The following ADGRF5 variants were observed in gnomAD, a reference collection of about 807,000 sequenced individuals.
ADGRF5 encodes G-protein coupled receptor 116.
A neutral mutation model predicts 132.3 loss-of-function variants in ADGRF5; 75 were observed. That is an observed-to-expected ratio of 0.57 (90% CI 0.47 to 0.69). The LOEUF is 0.69. ADGRF5 is among the 30% of genes least tolerant of loss of function. ADGRF5 has a pLI of 0.00. For missense variants in ADGRF5, 1,516 were observed against 1,630.6 expected, an observed-to-expected ratio of 0.93 and a Z score of 1.21; for synonymous variants, 629 against 597.6, an observed-to-expected ratio of 1.05 and a Z score of -0.77.
rs202220953 is a variant in ADGRF5, at chr6:46,862,875, C to T, written c.2199+13G>A. 154 of 1,575,966 alleles carry T rather than the reference C, an allele frequency of 9.8e-5. No individual in the cohort carries two copies. The highest frequency in any genetic ancestry group is 9.2e-5 in the Non-Finnish European group (105 of 1,146,580). ...CCCCACCAAGAGCTCAGAGTGGAAG[C>T]TTTAAGGATCACCTTAGCCATCTGG... On this transcript the variant is annotated intron_variant, in intron 15 of 20. Transcript: ENST00000283296.
chr6:46,917,975 C>G lies in ADGRF5; in HGVS notation c.-25+3738G>C, dbSNP rs149115464. Among the ~76,000 whole-genome samples, 430 of 152,352 alleles carry G rather than the reference C, an allele frequency of 2.8e-3. 1 individual carries two copies. Among genetic ancestry groups the G allele is most frequent in the African/African-American group, 9.9e-3 (413 of 41,580 alleles). ...CTGTAACTTGCTTTCCACTAAGAGTCTGAGCTGATTAAGAGAAAGGTTCTT... is the reference window on the plus strand; with the variant it reads ...CTGTAACTTGCTTTCCACTAAGAGTGTGAGCTGATTAAGAGAAAGGTTCTT... On this transcript the variant is annotated intron_variant, in intron 1 of 20. Transcript: ENST00000283296.
chr6:46,945,423 C>T (rs894678081), intron 1 of ADGRF5, among the ~76,000 whole-genome samples: 2 of 152,174 alleles, frequency 1.3e-5, no homozygotes, highest in Non-Finnish European at 1.5e-5. Flanking sequence ...GACACTTTTG[C>T]GTTCCTAACT....
In ADGRF5 at chr6:46,879,989, C is replaced by G. The variant is rs1462959908; in HGVS notation, c.865G>C (p.Val289Leu). ...ACTTCCTTTTCACACACCAGACTGA[C>G]TGTGTCCCCTTCAAAGATGATTTCT... The part of the protein sequence containing the change: ...TPEIIFEGDT[V>L]SLVCEKEVLS... The change falls in exon 9 of 21, where the codon GTC becomes CTC. Residue 289 changes from valine to leucine, a missense_variant. Around this residue, in one of 2 missense-constraint regions of ADGRF5, gnomAD observed 945 missense variants for 929.4 expected, o/e 1.02. Transcript: ENST00000283296. 2 of 1,614,040 alleles carry G rather than the reference C, an allele frequency of 1.2e-6. No homozygotes were observed. Among genetic ancestry groups the G allele is most frequent in the Non-Finnish European group, 1.7e-6 (2 of 1,179,982 alleles).
At chr6:46,923,206 G>C (rs377128936), upstream of ADGRF5, among the ~76,000 whole-genome samples, 1 of 152,214 alleles carries the variant, frequency 6.6e-6, no homozygotes, top group Non-Finnish European at 1.5e-5. Context: ...GATTACAGGC[G>C]TGAGCCACTG....
chr6:46,901,723 C>T (rs916355536), intron 2 of ADGRF5, among the ~76,000 whole-genome samples: 5 of 151,936 alleles, frequency 3.3e-5, no homozygotes, highest in Non-Finnish European at 2.9e-5. Flanking sequence ...CAGCAGAGTC[C>T]TGGGAAACTG....
chr6:46,904,851 T>A (rs898308781), intron 2 of ADGRF5, among the ~76,000 whole-genome samples: 5 of 152,118 alleles, frequency 3.3e-5, no homozygotes, highest in African/African-American at 1.2e-4. Context: ...ACTTTTCCAA[T>A]GGGAGTCTTC....
intron 3 of ADGRF5, among the ~76,000 whole-genome samples, chr6:46,889,276 T>C (rs1319624464): frequency 6.8e-6 from 1 of 146,922 alleles, no homozygotes; most frequent in Non-Finnish European, 1.5e-5. Flanking sequence ...CTACTATATA[T>C]ACTATATAGT....
At chr6:46,886,371 G>A (rs1484069130) in intron 4 of ADGRF5, among the ~76,000 whole-genome samples, 1 of 152,160 alleles carries the variant, frequency 6.6e-6, no homozygotes, top group Non-Finnish European at 1.5e-5. Flanking sequence ...GTAATTTGAG[G>A]ATAGCCAACA....
intron 15 of ADGRF5, among the ~76,000 whole-genome samples, chr6:46,861,418 A>T (rs1415506732): frequency 6.6e-6 from 1 of 152,176 alleles, no homozygotes; most frequent in Non-Finnish European, 1.5e-5. Context: ...TACCTGTATG[A>T]TTACACTTCT....
intron 1 of ADGRF5, among the ~76,000 whole-genome samples, chr6:46,941,421 GA>G (rs141941231): frequency 2.6e-5 from 1 of 39,076 alleles, no homozygotes; most frequent in African/African-American, 8.0e-5. Flanking sequence ...GAAAAGAAAA[GA>G]AAAGAAAAGA....
chr6:46,882,102 C>T lies in ADGRF5; in HGVS notation c.618G>A (p.Arg206=), dbSNP rs1772544296. 2 of 1,607,790 alleles carry T rather than the reference C, an allele frequency of 1.2e-6. No individual in the cohort carries two copies. Among genetic ancestry groups the T allele is most frequent in the Non-Finnish European group, 8.5e-7 (1 of 1,174,520 alleles). ...SYKTDLETAF[R]KGYGILPGFK... Reference sequence around the variant, plus strand: ...AGCCTGGTAAAATTCCGTAACCCTTCCGGAACTGAAAAATAAAGCAAGATG... The same window carrying T: ...AGCCTGGTAAAATTCCGTAACCCTTTCGGAACTGAAAAATAAAGCAAGATG... Residue 206 remains arginine, a synonymous_variant, in exon 7 of 21, where the codon CGG becomes CGA. Transcript: ENST00000283296.
chr6:46,881,057 A>C (rs1398226102), intron 8 of ADGRF5, among the ~76,000 whole-genome samples: 1 of 152,178 alleles, frequency 6.6e-6, no homozygotes, highest in Non-Finnish European at 1.5e-5. Context: ...CCATGATTAC[A>C]CTATTGCACT....
chr6:46,856,960 C>T (rs1769126861), intron 17 of ADGRF5, 52 bp from the exon 18 acceptor site: 3 of 1,407,194 alleles, frequency 2.1e-6, no homozygotes, highest in African/African-American at 1.4e-5. Context: ...GTCTATTGTC[C>T]AGCAAAGGAG....
At chr6:46,890,473 T>G (rs1405036678) in intron 3 of ADGRF5, among the ~76,000 whole-genome samples, 1 of 151,790 alleles carries the variant, frequency 6.6e-6, no homozygotes, top group Non-Finnish European at 1.5e-5. Context: ...ATCCCAGCAC[T>G]TTGGGAGGCC....
chr6:46,953,687 A>ATATATATATATATATC (rs1184260500), intron 1 of ADGRF5, among the ~76,000 whole-genome samples: 4 of 130,274 alleles, frequency 3.1e-5, no homozygotes, highest in Admixed American at 8.1e-5. Flanking sequence ...ATATATATAT[A>ATATATATATATATATC]TATCTCACTG....
chr6:46,942,317 C>T (rs531638144), intron 1 of ADGRF5, among the ~76,000 whole-genome samples: 126 of 152,276 alleles, frequency 8.3e-4, no homozygotes, highest in African/African-American at 2.6e-3. Context: ...TAGCACTTAG[C>T]GCAGTATCTG....
At chr6:46,901,646 G>T (rs563674089) in intron 2 of ADGRF5, among the ~76,000 whole-genome samples, 1 of 152,328 alleles carries the variant, frequency 6.6e-6, no homozygotes, top group African/African-American at 2.4e-5. Flanking sequence ...TTTAAAGGCA[G>T]AGCAGGATTC....
chr6:46,913,499 C>A (rs1581985210), intron 1 of ADGRF5, among the ~76,000 whole-genome samples: 1 of 147,042 alleles, frequency 6.8e-6, no homozygotes, highest in South Asian at 2.2e-4. Context: ...AACTCCACCT[C>A]AAAAAAAAAA....
Position 46,878,193 on chromosome 6 carries a change from C to A in ADGRF5, c.1240+9G>T, listed in dbSNP as rs142117904. On this transcript the variant is annotated intron_variant, in intron 10 of 20. Coordinates refer to ENST00000283296, the MANE Select transcript of ADGRF5 (RefSeq NM_001098518.2). ...CCTATTTGCAAAAGGGCTTATCTAACATTCTCACCTGGAATATTTATTTTT... is the reference window on the plus strand; with the variant it reads ...CCTATTTGCAAAAGGGCTTATCTAAAATTCTCACCTGGAATATTTATTTTT... The A allele has an allele frequency of 3.7e-5, 59 of 1,591,274 alleles. No individual in the cohort carries two copies. In the African/African-American group the frequency reaches 5.9e-4, roughly 16 times the overall value.
Sources: allele counts gnomAD v4.1 joint callset (sites outside exome capture counted in the v4.1 genomes callset), GRCh38; gene constraint gnomAD v4.1.1; regional missense constraint gnomAD v4.1.1; transcripts MANE v1.5; gene names NCBI Gene and HGNC (gene_info 2026-07-23, HGNC 2026-07-21).